NDUFC1: variants seen among roughly 807,000 people sequenced by gnomAD.
NDUFC1 encodes NADH:ubiquinone oxidoreductase subunit C1.
NDUFC1 carries 11 observed loss-of-function variants against 11.6 expected under a neutral mutation model. The observed-to-expected ratio is 0.95, with a 90% CI of 0.60 to 1.58. The LOEUF is 1.58. Ranked by LOEUF, NDUFC1 falls within the 40% of genes most tolerant of loss-of-function variation. The pLI is 0.00. For missense variants in NDUFC1, 112 were observed against 93.0 expected (o/e 1.20, Z -0.84); for synonymous variants, 52 against 42.2 (o/e 1.23, Z -0.90).
Position 139,295,794 on chromosome 4 carries a change from G to A in NDUFC1, c.5C>T (p.Ala2Val), listed in dbSNP as rs771962798. 25 of 1,544,736 alleles carry A rather than the reference G, an allele frequency of 1.6e-5. No individual in the cohort carries two copies. Among genetic ancestry groups the A allele is most frequent in the Admixed American group, 8.3e-5 (4 of 48,292 alleles). M[A>V]PSALLRPLSR... ...AAGGGGACGCAGCAAGGCGGACGGC[G>A]CCATCTTGCGTGGCCCAGCTCAGTC... The change falls in exon 3 of 6, where the codon GCG becomes GTG. Residue 2 changes from alanine (A) to valine (V), a missense_variant. Coordinates refer to ENST00000394223, the MANE Select transcript of NDUFC1 (RefSeq NM_001184989.2).
chr4:139,301,732 C>T, intron 1 of NDUFC1: 1 of 1,537,014 alleles, frequency 6.5e-7, no homozygotes, highest in Admixed American at 2.0e-5. Context: ...GACAAACTGA[C>T]TGACCGAGCC....
chr4:139,291,507 G>A (rs780672175), intron 5 of NDUFC1, among the ~76,000 whole-genome samples: 6 of 151,848 alleles, frequency 4.0e-5, no homozygotes, highest in Non-Finnish European at 7.4e-5. Flanking sequence ...CCTGGGAGGC[G>A]GAGGTTGCAG....
chr4:139,301,288 T>G (rs1010377822), intron 1 of NDUFC1: 1 of 378,978 alleles, frequency 2.6e-6, no homozygotes, highest in South Asian at 1.0e-4. Context: ...TGAACCGTAC[T>G]TGCCTAGCCT....
chr4:139,293,515 T>C (rs1745319716), intron 4 of NDUFC1, among the ~76,000 whole-genome samples: 1 of 152,188 alleles, frequency 6.6e-6, no homozygotes, highest in Non-Finnish European at 1.5e-5. Context: ...ATTAAGAATG[T>C]ATAAAATTCA....
At position 139,295,732 on chromosome 4, in the gene NDUFC1, G is replaced by A. The variant is rs111590660; in HGVS notation, c.67C>T (p.Pro23Ser). The A allele has an allele frequency of 2.3e-5, 36 of 1,542,642 alleles. No homozygotes were observed. Among genetic ancestry groups the A allele is most frequent in the Admixed American group, 1.5e-4 (7 of 47,778 alleles). Residue 23 changes from proline (P) to serine (S), a missense_variant and splice_region_variant, in exon 3 of 6, where the codon CCT becomes TCT. Transcript: ENST00000394223. ...CGGCCTGCACGAGGAGGATACTCACGGCCGCTCGGGAGCCTGGCGGGGGCC... is the reference window on the plus strand; with the variant it reads ...CGGCCTGCACGAGGAGGATACTCACAGCCGCTCGGGAGCCTGGCGGGGGCC... ...LLAPARLPSG[P>S]SVRSKFYVRE...
intron 2 of NDUFC1, among the ~76,000 whole-genome samples, chr4:139,296,621 A>G (rs958521356): frequency 6.6e-6 from 1 of 152,240 alleles, no homozygotes; most frequent in African/African-American, 2.4e-5. Flanking sequence ...CATAAAACCT[A>G]TAGGGTTGCT....
intron 1 of NDUFC1, among the ~76,000 whole-genome samples, chr4:139,299,792 G>C (rs1490912807): frequency 6.6e-6 from 1 of 152,052 alleles, no homozygotes; most frequent in Non-Finnish European, 1.5e-5. Flanking sequence ...CTCTATTTCT[G>C]GCTCATCTAA....
At chr4:139,299,448 A>G (rs1462143745) in intron 1 of NDUFC1, among the ~76,000 whole-genome samples, 2 of 152,192 alleles carry the variant, frequency 1.3e-5, no homozygotes, top group African/African-American at 4.8e-5. Context: ...AGCATTTGGA[A>G]CATAGTGACA....
intron 4 of NDUFC1, among the ~76,000 whole-genome samples, chr4:139,292,979 C>A (rs1454603535): frequency 6.6e-6 from 1 of 152,056 alleles, no homozygotes; most frequent in Non-Finnish European, 1.5e-5. Flanking sequence ...TGCCACCACG[C>A]CTGGCTAATT....
At chr4:139,298,721 C>T (rs951836151) in intron 1 of NDUFC1, among the ~76,000 whole-genome samples, 3 of 151,334 alleles carry the variant, frequency 2.0e-5, no homozygotes, top group Admixed American at 6.6e-5. Context: ...TTGCCCAGGC[C>T]GGAGAGCAGA....
At position 139,295,171 on chromosome 4, in the gene NDUFC1, A is replaced by G. The variant is rs1254558793; in HGVS notation, c.68-25T>C. 3.8e-6 allele frequency: 6 copies of G among 1,581,906 alleles called. No homozygotes were observed. In the Admixed American group the frequency reaches 1.0e-4, roughly 26 times the overall value. On this transcript the variant is annotated intron_variant, in intron 3 of 5. Coordinates refer to ENST00000394223, the MANE Select transcript of NDUFC1 (RefSeq NM_001184989.2). ...GCTGAAAGGGGAAGAGGGTCTGTAA[A>G]TTTGTAACTTACTGCCTTGTAGGGA...
Position 139,301,860 on chromosome 4 carries a change from G to C in NDUFC1, c.-222+556C>G, listed in dbSNP as rs1298380364. ...AGTGTGAGGCTCCGGGCAAGCGGTG[G>C]GGAGGATTTAGCCGGTAACCGGGCC... On this transcript the variant is annotated intron_variant, in intron 1 of 5. Coordinates refer to ENST00000394223, the MANE Select transcript of NDUFC1 (RefSeq NM_001184989.2). 2.5e-6 allele frequency: 4 copies of C among 1,575,222 alleles called. No homozygotes were observed. The Admixed American group carries it at 7.1e-5, about 28-fold the overall frequency.
chr4:139,295,208 C>T (rs1388027580), intron 3 of NDUFC1, 62 bp from the exon 4 acceptor site: 13 of 1,249,766 alleles, frequency 1.0e-5, no homozygotes, highest in African/African-American at 3.0e-5. Context: ...AAAACCCTAA[C>T]ATTTACGTGC....
intron 4 of NDUFC1, among the ~76,000 whole-genome samples, chr4:139,294,314 T>G (rs938660331): frequency 5.9e-5 from 9 of 152,166 alleles, no homozygotes; most frequent in African/African-American, 2.2e-4. Flanking sequence ...AAACATTGAT[T>G]AAAACCTAAT....
At chr4:139,299,812 C>T (rs1400631471) in intron 1 of NDUFC1, among the ~76,000 whole-genome samples, 1 of 152,204 alleles carries the variant, frequency 6.6e-6, no homozygotes, top group South Asian at 2.1e-4. Flanking sequence ...ATCAGGTACT[C>T]AGGTTCTGGT....
Position 139,293,752 on chromosome 4 carries a change from A to G in NDUFC1, c.172-1143T>C, listed in dbSNP as rs187909146. On this transcript the variant is annotated intron_variant, in intron 4 of 5. Coordinates refer to ENST00000394223, the MANE Select transcript of NDUFC1 (RefSeq NM_001184989.2). ...CTTTAAAAAGAAATTTTATCCCAAC[A>G]GAGGCAGTGTTTCACAGTCTTTTCT... Among the ~76,000 whole-genome samples, 7 of 152,270 alleles carry G rather than the reference A, an allele frequency of 4.6e-5. No homozygotes were observed. The East Asian group carries it at 1.3e-3, about 29-fold the overall frequency.
chr4:139,294,178 C>A (rs1356656679), intron 4 of NDUFC1, among the ~76,000 whole-genome samples: 1 of 151,614 alleles, frequency 6.6e-6, no homozygotes, highest in South Asian at 2.1e-4. Flanking sequence ...CTCTTGACCT[C>A]GTGATCCGCC....
In NDUFC1 at chr4:139,290,317, C is replaced by CT. The variant is rs1248275815; in HGVS notation, c.*21-226dup. ...TTCAATGCCTATTTCATTTTTACCTCTTTTTTTTTTTTTTTTTTTTGGTAG... is the reference window on the plus strand; with the variant it reads ...TTCAATGCCTATTTCATTTTTACCTCTTTTTTTTTTTTTTTTTTTTTGGTAG... On this transcript the variant is annotated intron_variant, in intron 5 of 5. Transcript: ENST00000394223. Among the ~76,000 whole-genome samples, 1,163 of 124,354 alleles carry CT rather than the reference C, an allele frequency of 9.4e-3. 8 individuals carry two copies. The highest frequency in any genetic ancestry group is 0.017 in the African/African-American group (536 of 32,080). The allele number at this position is 124,354 out of a possible 152,430, so 81.6% of individuals were successfully genotyped here.
chr4:139,302,333 C>T lies in NDUFC1; in HGVS notation c.-222+83G>A, dbSNP rs115543880. The T allele has an allele frequency of 8.4e-3, 1,296 of 154,658 alleles. 20 individuals are homozygous for T. The highest frequency in any genetic ancestry group is 0.03 in the African/African-American group (1,242 of 41,662). The allele number at this position is 154,658 out of a possible 1,614,324, so 9.6% of individuals were successfully genotyped here. On this transcript the variant is annotated intron_variant, in intron 1 of 5. Transcript: ENST00000394223. ...TCCTCTCTTGGGATTCACCTGTCTCCGCCCGGCCCGGGGTCACCCAATGAC... is the reference window on the plus strand; with the variant it reads ...TCCTCTCTTGGGATTCACCTGTCTCTGCCCGGCCCGGGGTCACCCAATGAC...
Sources: gnomAD v4.1 joint callset for allele counts (sites outside exome capture counted in the v4.1 genomes callset) on GRCh38, gnomAD v4.1.1 for gene constraint, MANE v1.5 for transcripts, NCBI Gene and HGNC (gene_info 2026-07-23, HGNC 2026-07-21) for gene names.